LRRC7: variants seen among roughly 807,000 people sequenced by gnomAD.
LRRC7 encodes the protein leucine-rich repeat-containing protein 7.
LRRC7 carries 23 observed loss-of-function variants against 175.7 expected under a neutral mutation model. The observed-to-expected ratio is 0.13, with a 90% CI of 0.09 to 0.19. The LOEUF (loss-of-function observed/expected upper bound fraction) is 0.19. Ranked by LOEUF, LRRC7 falls within the 10% of genes least tolerant of loss-of-function variation. LRRC7 has a pLI of 1.00. For synonymous variants in LRRC7, 685 were observed against 680.9 expected, an observed-to-expected ratio of 1.01 and a Z score of -0.09; for missense variants, 1,354 against 1,904.7, an observed-to-expected ratio of 0.71 and a Z score of 5.38.
intron 1 of LRRC7, among the ~76,000 whole-genome samples, chr1:69,665,536 A>T (rs1191504607): frequency 6.6e-6 from 1 of 151,958 alleles, no homozygotes; most frequent in African/African-American, 2.4e-5. Context: ...GAGATCTTTC[A>T]CTTCTTGAGT....
At chr1:69,711,708 C>T (rs1327900487) in intron 2 of LRRC7, among the ~76,000 whole-genome samples, 2 of 152,126 alleles carry the variant, frequency 1.3e-5, no homozygotes, top group African/African-American at 2.4e-5. Context: ...GCTGTAGCAA[C>T]ACTTGATAAA....
chr1:70,002,496 TA>T (rs2101930998), intron 11 of LRRC7, among the ~76,000 whole-genome samples: 1 of 152,354 alleles, frequency 6.6e-6, no homozygotes, highest in South Asian at 2.1e-4. Context: ...TATCATCATT[TA>T]ACTTGTTGCT....
At chr1:69,904,219 T>C (rs1010121199) in intron 7 of LRRC7, among the ~76,000 whole-genome samples, 1 of 152,092 alleles carries the variant, frequency 6.6e-6, no homozygotes, top group Non-Finnish European at 1.5e-5. Flanking sequence ...ACAAGTTGAG[T>C]CTGATGCTAT....
intron 23 of LRRC7, among the ~76,000 whole-genome samples, chr1:70,059,987 A>G (rs1208612295): frequency 6.6e-6 from 1 of 152,012 alleles, no homozygotes; most frequent in Non-Finnish European, 1.5e-5. Context: ...ATTTAAATAA[A>G]TACATTTTAT....
intron 4 of LRRC7, among the ~76,000 whole-genome samples, chr1:69,819,949 C>T (rs778714144): frequency 4.6e-5 from 7 of 151,994 alleles, no homozygotes; most frequent in Non-Finnish European, 1.0e-4. Flanking sequence ...GTTTCAAGCA[C>T]GTGTAGTTGG....
At chr1:69,980,287 C>T in intron 8 of LRRC7, 92 bp from the exon 9 acceptor site, 1 of 1,103,700 alleles carries the variant, frequency 9.1e-7, no homozygotes, top group South Asian at 1.3e-5. Context: ...AATAAAAGCT[C>T]AAGATCCAAG....
intron 7 of LRRC7, among the ~76,000 whole-genome samples, chr1:69,897,367 G>A (rs576570125): frequency 7.2e-4 from 110 of 152,172 alleles, no homozygotes; most frequent in Non-Finnish European, 1.3e-3. Flanking sequence ...CACTTTACAT[G>A]AAGTAGCATC....
intron 2 of LRRC7, among the ~76,000 whole-genome samples, chr1:69,701,274 G>A (rs1289588836): frequency 5.9e-5 from 9 of 152,050 alleles, no homozygotes. Flanking sequence ...AAGTAAATGA[G>A]TATAAAAATT....
chr1:69,571,560 T>A (rs72934495), intron 1 of LRRC7, among the ~76,000 whole-genome samples: 7,036 of 151,726 alleles, frequency 0.046, 546 homozygotes, highest in African/African-American at 0.16. Context: ...CTCTCTTATT[T>A]CAGCATATAG....
In LRRC7 at chr1:69,643,612, C is replaced by T. The variant is rs545623298; in HGVS notation, c.3-34769C>T. Among the ~76,000 whole-genome samples, 25 of 152,200 alleles carry T rather than the reference C, an allele frequency of 1.6e-4. 1 individual carries two copies. In the South Asian group the frequency reaches 5.0e-3, roughly 30 times the overall value. On this transcript the variant is annotated intron_variant, in intron 1 of 26. Transcript: ENST00000651989. ...TATTAACCATAGGAAAGTTTTGCTC[C>T]TTGCTAGGTCATGTGATGGATGGAG...
At chr1:69,569,938 G>T (rs1347473612) in intron 1 of LRRC7, among the ~76,000 whole-genome samples, 1 of 151,032 alleles carries the variant, frequency 6.6e-6, no homozygotes, top group African/African-American at 2.4e-5. Context: ...AGCGATGGGG[G>T]TGGGGATCGG....
chr1:69,800,077 T>G (rs186334843), intron 4 of LRRC7, among the ~76,000 whole-genome samples: 1 of 152,172 alleles, frequency 6.6e-6, no homozygotes, highest in East Asian at 1.9e-4. Flanking sequence ...CTCTGACTTT[T>G]CGATTCTATT....
chr1:70,076,903 A>G (rs753616745), intron 24 of LRRC7, among the ~76,000 whole-genome samples: 6 of 152,200 alleles, frequency 3.9e-5, no homozygotes, highest in Non-Finnish European at 5.9e-5. Flanking sequence ...TTTCCATTGT[A>G]GTATCTGTTT....
intron 7 of LRRC7, among the ~76,000 whole-genome samples, chr1:69,905,853 A>G (rs1435063841): frequency 6.6e-6 from 1 of 152,206 alleles, no homozygotes; most frequent in East Asian, 1.9e-4. Flanking sequence ...ACAAGGGTTG[A>G]ACTAGTTTAC....
At chr1:69,806,912 A>C (rs1412016009) in intron 4 of LRRC7, among the ~76,000 whole-genome samples, 1 of 151,978 alleles carries the variant, frequency 6.6e-6, no homozygotes. Context: ...TACTCAGACA[A>C]TTTTAAGGAG....
intron 3 of LRRC7, among the ~76,000 whole-genome samples, chr1:69,764,482 TA>T: frequency 6.6e-6 from 1 of 152,120 alleles, no homozygotes; most frequent in East Asian, 1.9e-4. Context: ...GAGATGAGAC[TA>T]AATTTTAAGC....
chr1:69,853,270 CTTTTTTT>C (rs1163071175), intron 7 of LRRC7, among the ~76,000 whole-genome samples: 2 of 88,012 alleles, frequency 2.3e-5, no homozygotes, highest in Non-Finnish European at 4.5e-5. Context: ...TCCTTTCTTT[CTTTTTTT>C]TTTTTTTTTT....
intron 1 of LRRC7, among the ~76,000 whole-genome samples, chr1:69,589,465 C>A (rs1646544295): frequency 6.6e-6 from 1 of 152,078 alleles, no homozygotes; most frequent in African/African-American, 2.4e-5. Context: ...AGAATCCAAT[C>A]GGGAGTGAGT....
At chr1:69,617,680 C>T (rs1024384482) in intron 1 of LRRC7, among the ~76,000 whole-genome samples, 8 of 151,526 alleles carry the variant, frequency 5.3e-5, no homozygotes, top group African/African-American at 1.9e-4. Flanking sequence ...TTAGTATAAG[C>T]ACTAACAGTA....
Sources: gnomAD v4.1 joint callset for allele counts (sites outside exome capture counted in the v4.1 genomes callset) on GRCh38, gnomAD v4.1.1 for gene constraint, MANE v1.5 for transcripts, NCBI Gene and HGNC (gene_info 2026-07-23, HGNC 2026-07-21) for gene names.